CPSF1: variants seen among roughly 807,000 people sequenced by gnomAD.
The protein encoded by CPSF1 is cleavage and polyadenylation specific factor 1, also known as cleavage and polyadenylation specificity factor subunit 1.
Under a neutral mutation model 175.8 loss-of-function variants are expected in CPSF1, and 106 were observed. The observed-to-expected ratio is 0.60, with a 90% CI of 0.52 to 0.71. The LOEUF (loss-of-function observed/expected upper bound fraction) is 0.71. Ranked by LOEUF, CPSF1 falls within the 30% of genes least tolerant of loss-of-function variation. The pLI is 0.00. For missense variants in CPSF1, 1,734 were observed against 2,022.9 expected, an observed-to-expected ratio of 0.86 and a Z score of 2.74; for synonymous variants, 1,024 against 858.3, an observed-to-expected ratio of 1.19 and a Z score of -3.37.
chr8:144,394,173 G>A lies in CPSF1; in HGVS notation c.3812-13C>T, dbSNP rs1554862617. The A allele has an allele frequency of 1.2e-6, 2 of 1,612,660 alleles. No individual in the cohort carries two copies. Among genetic ancestry groups the A allele is most frequent in the South Asian group, 2.2e-5 (2 of 91,052 alleles). ...TCGCGGTCAGACACTGGGGAGCAGA[G>A]GCCCAGGGTCAGCCCCGGCCACCCC... is the stretch of plus-strand genomic sequence containing the variant. On this transcript the variant is annotated splice_polypyrimidine_tract_variant and intron_variant, in intron 33 of 37. Coordinates refer to ENST00000616140, the MANE Select transcript of CPSF1 (RefSeq NM_013291.3).
chr8:144,407,348 T>C (rs1227384142), intron 2 of CPSF1, among the ~76,000 whole-genome samples: 1 of 151,976 alleles, frequency 6.6e-6, no homozygotes, highest in East Asian at 1.9e-4. Context: ...CCCATGTAGC[T>C]AGGACTACAC....
Position 144,398,553 on chromosome 8 carries a change from A to G in CPSF1, c.1724T>C (p.Leu575Pro). 1 of 1,613,872 alleles carries G rather than the reference A, an allele frequency of 6.2e-7. No individual in the cohort carries two copies. The highest frequency in any genetic ancestry group is 8.5e-7 in the Non-Finnish European group (1 of 1,179,946). The change falls in exon 18 of 38, where the codon CTG becomes CCG. Residue 575 changes from leucine (L) to proline (P), a missense_variant. By Grantham distance (98) the Leu-to-Pro change is moderately conservative. Around this residue, in one of 10 missense-constraint regions of CPSF1, gnomAD observed 280 missense variants for 349.2 expected, o/e 0.80. Transcript: ENST00000616140. The part of the protein sequence containing the change: ...ADDDGRRHGF[L>P]ILSREDSTMI... ...GGTGGAGTCTTCCCGGCTCAGAATC[A>G]GGAATCCGTGTCTGCGGCCGTCGTC...
chr8:144,397,619 C>T lies in CPSF1; in HGVS notation c.2253G>A (p.Ser751=), dbSNP rs556633501. The change falls in exon 22 of 38, where the codon TCG becomes TCA. Residue 751 remains serine, a synonymous_variant. Transcript: ENST00000616140. ...DDEEEMLYGD[S]GSLFSPSKEE... ...CCTTGCTGGGGCTGAAGAGGGAGCC[C>T]GAATCCCCATACAGCATCTCCTCCT... 7 of 1,533,876 alleles carry T rather than the reference C, an allele frequency of 4.6e-6. No homozygotes were observed. Among genetic ancestry groups the T allele is most frequent in the South Asian group, 2.5e-5 (2 of 79,472 alleles).
chr8:144,396,567 A>G (rs1308499728), intron 25 of CPSF1, 31 bp downstream of exon 25: 9 of 1,609,020 alleles, frequency 5.6e-6, no homozygotes, highest in African/African-American at 1.3e-5. Flanking sequence ...TCTCCCTTCT[A>G]CCACAGACCC....
chr8:144,393,324 G>A lies in CPSF1; in HGVS notation c.4326C>T (p.His1442=). ...DLLETDRVTA[H]F ...GGTGACGGCATCCACGGGGCTAGAA[G>A]TGGGCGGTGACGCGGTCCGTCTCCA... Residue 1442 remains histidine, a synonymous_variant, in exon 38 of 38, where the codon CAC becomes CAT. Coordinates refer to ENST00000616140, the MANE Select transcript of CPSF1 (RefSeq NM_013291.3). 2.0e-6 allele frequency: 3 copies of A among 1,501,472 alleles called. No individual in the cohort carries two copies. Among genetic ancestry groups the A allele is most frequent in the South Asian group, 1.3e-5 (1 of 75,264 alleles). The allele number at this position is 1,501,472 out of a possible 1,614,324, so 93.0% of individuals were successfully genotyped here. A position where few individuals can be genotyped will look rare whatever the true frequency, so the allele number is the denominator to read the frequency against.
rs2116869188 is a variant in CPSF1 at position 144,400,016 on chromosome 8, A to T, written c.1007T>A (p.Val336Asp). The change falls in exon 10 of 38, where the codon GTC (valine) becomes GAC (aspartate). Residue 336 changes from valine (V) to aspartate (D), a missense_variant. By Grantham distance (152) the Val-to-Asp change is radical. Around this residue, in one of 10 missense-constraint regions of CPSF1, gnomAD observed 162 missense variants for 169.5 expected, o/e 0.96. Transcript: ENST00000616140. ...CATCTCGCCGCCCTTGAGGGAGATG[A>T]CCATCTTGTCGTAGGAGATGAAGGT... ...QATFISYDKM[V>D]ISLKGGEIYV... The T allele has an allele frequency of 6.2e-7, 1 of 1,611,922 alleles. No homozygotes were observed. The highest frequency in any genetic ancestry group is 8.5e-7 in the Non-Finnish European group (1 of 1,179,822).
chr8:144,398,420 G>C lies in CPSF1; in HGVS notation c.1776C>G (p.Ile592Met), dbSNP rs2116849658. The part of the protein sequence containing the change: ...STMILQTGQE[I>M]MELDTSGFAT... ...CGAAGCCACTGGTGTCCAGCTCCAT[G>C]ATCTCCTGCCCCGTCTGCAGGATCT... Residue 592 changes from isoleucine (I) to methionine (M), a missense_variant, in exon 19 of 38, where the codon ATC becomes ATG. Coordinates refer to ENST00000616140, the MANE Select transcript of CPSF1 (RefSeq NM_013291.3). 6.2e-7 allele frequency: 1 copy of C among 1,613,836 alleles called. No homozygotes were observed. The highest frequency in any genetic ancestry group is 1.1e-5 in the South Asian group (1 of 91,084).
chr8:144,408,456 C>A (rs2116911016), intron 2 of CPSF1, among the ~76,000 whole-genome samples: 1 of 152,202 alleles, frequency 6.6e-6, no homozygotes, highest in Non-Finnish European at 1.5e-5. Context: ...GGCGTGTGCC[C>A]CACTGTACCA....
chr8:144,395,360 G>A lies in CPSF1; in HGVS notation c.3097-5C>T, dbSNP rs782682651. On this transcript the variant is annotated splice_polypyrimidine_tract_variant and splice_region_variant and intron_variant, in intron 27 of 37. Coordinates refer to ENST00000616140, the MANE Select transcript of CPSF1 (RefSeq NM_013291.3). ...GCTGGTGGCCACAGCATACACCTGT[G>A]GGTTAGTGAGGGTCACACACCAGTG... 1.2e-6 allele frequency: 2 copies of A among 1,613,210 alleles called. No individual in the cohort carries two copies. The highest frequency in any genetic ancestry group is 1.7e-5 in the Admixed American group (1 of 59,988).
chr8:144,396,678 C>A lies in CPSF1; in HGVS notation c.2746G>T (p.Gly916Cys). 6.2e-7 allele frequency: 1 copy of A among 1,613,928 alleles called. No homozygotes were observed. Among genetic ancestry groups the A allele is most frequent in the South Asian group, 1.1e-5 (1 of 91,088 alleles). Residue 916 changes from glycine (G) to cysteine (C), a missense_variant, in exon 25 of 38, where the codon GGC (glycine) becomes TGC (cysteine). This residue lies in a region of CPSF1 where 585 missense variants were observed against 584.7 expected (regional missense o/e 1.00). Transcript: ENST00000616140. ...GCCCCAGCCCCCTCCTCTGCGCCGC[C>A]ACCTTCTGCTTTCTTCTTGGATGGC... ...PKPSKKKAEG[G>C]GAEEGAGARG... is the part of the protein sequence containing the mutation.
chr8:144,393,693 G>A lies in CPSF1; in HGVS notation c.4119C>T (p.His1373=), dbSNP rs376915849. 16 of 1,563,752 alleles carry A rather than the reference G, an allele frequency of 1.0e-5. No individual in the cohort carries two copies. Among genetic ancestry groups the A allele is most frequent in the Middle Eastern group, 1.7e-4 (1 of 5,992 alleles). The change falls in exon 36 of 38, where the codon CAC becomes CAT. Residue 1373 remains histidine, a synonymous_variant. Coordinates refer to ENST00000616140, the MANE Select transcript of CPSF1 (RefSeq NM_013291.3). The part of the protein sequence containing the change: ...QNALTTMLPH[H]AGLNPRAFRM... The stretch of plus-strand genomic sequence containing the variant: ...GGAAGGCGCGGGGGTTGAGGCCGGC[G>A]TGGTGTGGCAGCATGGTGGTCAGCG...
chr8:144,399,120 C>A lies in CPSF1; in HGVS notation c.1467+8G>T. On this transcript the variant is annotated splice_region_variant and intron_variant, in intron 15 of 37. Coordinates refer to ENST00000616140, the MANE Select transcript of CPSF1 (RefSeq NM_013291.3). The surrounding 1 kb of genome is among the most constrained non-coding windows in gnomAD (Gnocchi z 6.4). ...CCTGCCCCCAGCCCCGACCCCAACC[C>A]TGGGCACCTCTTCAGAGAGGAAGGC... 1 of 1,560,194 alleles carries A rather than the reference C, an allele frequency of 6.4e-7. No individual in the cohort carries two copies. The highest frequency in any genetic ancestry group is 2.4e-5 in the East Asian group (1 of 41,842).
Position 144,397,225 on chromosome 8 carries a change from C to T in CPSF1, c.2574G>A (p.Gln858=). The T allele has an allele frequency of 6.5e-7, 1 of 1,547,004 alleles. No homozygotes were observed. The highest frequency in any genetic ancestry group is 8.7e-7 in the Non-Finnish European group (1 of 1,146,190). ...EVLLVALGSR[Q]SRPYLLVHVD... Reference sequence around the variant, plus strand: ...CACTCACCAGCAGGTAGGGCCTGCTCTGGCGGCTGCCCAGCGCCACCAGCA... The same window carrying T: ...CACTCACCAGCAGGTAGGGCCTGCTTTGGCGGCTGCCCAGCGCCACCAGCA... Residue 858 remains glutamine (Q), a synonymous_variant, in exon 23 of 38, where the codon CAG becomes CAA. Coordinates refer to ENST00000616140, the MANE Select transcript of CPSF1 (RefSeq NM_013291.3).
Position 144,397,354 on chromosome 8 carries a change from C to G in CPSF1, c.2445G>C (p.Gln815His). Reference protein sequence around the residue: ...VFLVKNFPVGQRVLVDSSFGQ... With the variant: ...VFLVKNFPVGHRVLVDSSFGQ... ...CAAAGGAGCTGTCCACAAGGACCCGCTGCCCCACAGGGAAGTTCTTCACCA... is the reference window on the plus strand; with the variant it reads ...CAAAGGAGCTGTCCACAAGGACCCGGTGCCCCACAGGGAAGTTCTTCACCA... The change falls in exon 23 of 38, where the codon CAG (glutamine) becomes CAC (histidine). Residue 815 changes from glutamine to histidine, a missense_variant. This residue lies in a region of CPSF1 where 585 missense variants were observed against 584.7 expected (regional missense o/e 1.00). Transcript: ENST00000616140. 1 of 1,563,656 alleles carries G rather than the reference C, an allele frequency of 6.4e-7. No individual in the cohort carries two copies. The highest frequency in any genetic ancestry group is 8.7e-7 in the Non-Finnish European group (1 of 1,154,530).
At position 144,394,171 on chromosome 8, in the gene CPSF1, G is replaced by C. The variant is rs562433649; in HGVS notation, c.3812-11C>G. 1.2e-6 allele frequency: 2 copies of C among 1,612,682 alleles called. No individual in the cohort carries two copies. Among genetic ancestry groups the C allele is most frequent in the Admixed American group, 3.3e-5 (2 of 59,972 alleles). On this transcript the variant is annotated splice_polypyrimidine_tract_variant and intron_variant, in intron 33 of 37. Transcript: ENST00000616140. Reference sequence around the variant, plus strand: ...GGTCGCGGTCAGACACTGGGGAGCAGAGGCCCAGGGTCAGCCCCGGCCACC... The same window carrying C: ...GGTCGCGGTCAGACACTGGGGAGCACAGGCCCAGGGTCAGCCCCGGCCACC...
chr8:144,393,377 G>A lies in CPSF1; in HGVS notation c.4285-12C>T. The A allele has an allele frequency of 8.7e-7, 1 of 1,152,110 alleles. No homozygotes were observed. Among genetic ancestry groups the A allele is most frequent in the Middle Eastern group, 3.3e-4 (1 of 3,048 alleles). The allele number at this position is 1,152,110 out of a possible 1,614,324, so 71.4% of individuals were successfully genotyped here. On this transcript the variant is annotated splice_polypyrimidine_tract_variant and intron_variant, in intron 37 of 37. Coordinates refer to ENST00000616140, the MANE Select transcript of CPSF1 (RefSeq NM_013291.3). Reference sequence around the variant, plus strand: ...AAGTCGTCCAGGATCTGCAGGGGATGGAAGGGTGGGTGGGTGGGTGGGTGG... The same window carrying A: ...AAGTCGTCCAGGATCTGCAGGGGATAGAAGGGTGGGTGGGTGGGTGGGTGG...
rs782429557 is a variant in CPSF1 at position 144,395,257 on chromosome 8, GTCA to G, written c.3187+5_3187+7del. ...CTGAGGATGGGAGTATGGTGTGGGCGTCACCACCTCTCTCGATGGTCTCAAACT... is the reference window on the plus strand; with the variant it reads ...CTGAGGATGGGAGTATGGTGTGGGCGCCACCTCTCTCGATGGTCTCAAACT... On this transcript the variant is annotated splice_donor_5th_base_variant and intron_variant, in intron 28 of 37. Transcript: ENST00000616140. 3 of 1,612,876 alleles carry G rather than the reference GTCA, an allele frequency of 1.9e-6. No homozygotes were observed. The South Asian group carries it at 3.3e-5, about 18-fold the overall frequency.
intron 2 of CPSF1, among the ~76,000 whole-genome samples, chr8:144,402,249 A>AT (rs1336519078): frequency 6.6e-6 from 1 of 152,122 alleles, no homozygotes; most frequent in Non-Finnish European, 1.5e-5. Flanking sequence ...TAGCTAGCAG[A>AT]TTTATATGCC....
At position 144,398,793 on chromosome 8, in the gene CPSF1, C is replaced by A; in HGVS notation, c.1624G>T (p.Val542Leu). 1 of 1,600,924 alleles carries A rather than the reference C, an allele frequency of 6.2e-7. No individual in the cohort carries two copies. ...CYDMWTVIAP[V>L]RKEEEDNPKG... ...CTCGCACCTACCTCCTCCTTACGCACCGGGGCGATGACTGTCCACATGTCA... is the reference window on the plus strand; with the variant it reads ...CTCGCACCTACCTCCTCCTTACGCAACGGGGCGATGACTGTCCACATGTCA... Residue 542 changes from valine to leucine, a missense_variant, in exon 17 of 38, where the codon GTG becomes TTG. This residue lies in a region of CPSF1 where 280 missense variants were observed against 349.2 expected (regional missense o/e 0.80). Transcript: ENST00000616140.
Sources: allele counts gnomAD v4.1 joint callset (sites outside exome capture counted in the v4.1 genomes callset), GRCh38; gene constraint gnomAD v4.1.1; regional missense constraint gnomAD v4.1.1; non-coding constraint Gnocchi (gnomAD v3.1); transcripts MANE v1.5; gene names NCBI Gene and HGNC (gene_info 2026-07-23, HGNC 2026-07-21).